NMT2: variants seen among roughly 807,000 people sequenced by gnomAD.
NMT2 encodes the protein N-myristoyltransferase 2.
Under a neutral mutation model 65.4 loss-of-function variants are expected in NMT2, and 35 were observed. The ratio of observed to expected loss-of-function variants is 0.54; its 90% CI spans 0.41 to 0.71. The LOEUF is 0.71. Ranked by LOEUF, NMT2 falls within the 30% of genes least tolerant of loss-of-function variation. The pLI is 0.00. For synonymous variants in NMT2, 226 were observed against 231.8 expected, an observed-to-expected ratio of 0.98 and a Z score of 0.23; for missense variants, 489 against 611.3, an observed-to-expected ratio of 0.80 and a Z score of 2.11.
At chr10:15,137,371 C>CA (rs1221187478) in intron 2 of NMT2, among the ~76,000 whole-genome samples, 2 of 152,004 alleles carry the variant, frequency 1.3e-5, no homozygotes, top group African/African-American at 4.8e-5. Context: ...TGTTTAACAT[C>CA]AAAATCATAA....
At chr10:15,147,828 G>A (rs189526276) in intron 1 of NMT2, among the ~76,000 whole-genome samples, 146 of 152,240 alleles carry the variant, frequency 9.6e-4, no homozygotes, top group African/African-American at 3.4e-3. Context: ...CATAATGTCC[G>A]TGAAGGAAAC....
chr10:15,145,513 G>A (rs1310764278), intron 1 of NMT2, among the ~76,000 whole-genome samples: 1 of 152,132 alleles, frequency 6.6e-6, no homozygotes, highest in Non-Finnish European at 1.5e-5. Flanking sequence ...CCAAGTATCT[G>A]GGATTACAGG....
intron 6 of NMT2, 84 bp from the exon 7 acceptor site, chr10:15,130,396 C>T (rs1564570377): frequency 9.8e-7 from 1 of 1,023,174 alleles, no homozygotes. Flanking sequence ...TAAGATGATA[C>T]CCAGGAAATA....
At chr10:15,112,028 C>T (rs993920100) in intron 10 of NMT2, among the ~76,000 whole-genome samples, 6 of 149,816 alleles carry the variant, frequency 4.0e-5, no homozygotes, top group Non-Finnish European at 8.9e-5. Context: ...AGACTGGCTA[C>T]AATTAAATTT....
chr10:15,143,493 A>C lies in NMT2; in HGVS notation c.111-1936T>G, dbSNP rs567161876. On this transcript the variant is annotated intron_variant, in intron 1 of 11. Coordinates refer to ENST00000378165, the MANE Select transcript of NMT2 (RefSeq NM_004808.3). ...GAGAGATACAGAATAAAAGGCAGTG[A>C]CTGGGAAGGACGCTTTGAAGTAGAT... Among the ~76,000 whole-genome samples the C allele has an allele frequency of 7.2e-5, 11 of 152,374 alleles. No homozygotes were observed. In the East Asian group the frequency reaches 2.1e-3, roughly 29 times the overall value.
Position 15,131,832 on chromosome 10 carries a change from G to A in NMT2, c.719+985C>T, listed in dbSNP as rs113331153. ...AAACTAAAAGTGCAATGTATCCTAT[G>A]GAGAGAAAGCTTTATCTCTCCTAAA... On this transcript the variant is annotated intron_variant, in intron 6 of 11. Coordinates refer to ENST00000378165, the MANE Select transcript of NMT2 (RefSeq NM_004808.3). Among the ~76,000 whole-genome samples, 1,011 of 152,180 alleles carry A rather than the reference G, an allele frequency of 6.6e-3. 9 individuals carry two copies. Among genetic ancestry groups the A allele is most frequent in the African/African-American group, 0.023 (964 of 41,524 alleles).
At chr10:15,124,849 T>G (rs1208360514) in intron 8 of NMT2, among the ~76,000 whole-genome samples, 1 of 152,226 alleles carries the variant, frequency 6.6e-6, no homozygotes, top group African/African-American at 2.4e-5. Context: ...CTCTTTATTT[T>G]CCTTTCCTTT....
At chr10:15,145,605 C>T (rs1846935519) in intron 1 of NMT2, among the ~76,000 whole-genome samples, 1 of 152,180 alleles carries the variant, frequency 6.6e-6, no homozygotes, top group Admixed American at 6.5e-5. Context: ...GTCTCAAACT[C>T]CTGACCTCAA....
intron 8 of NMT2, among the ~76,000 whole-genome samples, chr10:15,127,160 G>A (rs953364204): frequency 2.2e-4 from 34 of 151,942 alleles, no homozygotes; most frequent in African/African-American, 3.9e-4. Context: ...GTTTGAACCC[G>A]GGAGGCGGAG....
chr10:15,164,169 C>T (rs1454730301), intron 1 of NMT2, among the ~76,000 whole-genome samples: 1 of 113,262 alleles, frequency 8.8e-6, no homozygotes, highest in Non-Finnish European at 1.6e-5. Flanking sequence ...GGGGACAGAG[C>T]GAGAATTGGT....
chr10:15,160,812 G>C (rs1480796719), intron 1 of NMT2, among the ~76,000 whole-genome samples: 2 of 151,880 alleles, frequency 1.3e-5, no homozygotes, highest in Non-Finnish European at 2.9e-5. Flanking sequence ...CCCAGCATGT[G>C]AAAGGACATG....
chr10:15,113,003 C>T lies in NMT2; in HGVS notation c.1171-40G>A, dbSNP rs74123290. ...GCTGTCAGACAGAGATCTCCTTGAA[C>T]CAACTGCATACGTGCATTTCCACTA... On this transcript the variant is annotated intron_variant, in intron 9 of 11. Coordinates refer to ENST00000378165, the MANE Select transcript of NMT2 (RefSeq NM_004808.3). 7,047 of 1,578,618 alleles carry T rather than the reference C, an allele frequency of 4.5e-3. 249 individuals are homozygous for T. In the African/African-American group the frequency reaches 0.08, roughly 18 times the overall value.
intron 9 of NMT2, among the ~76,000 whole-genome samples, chr10:15,115,926 A>T (rs1402742418): frequency 1.3e-5 from 2 of 152,202 alleles, no homozygotes; most frequent in African/African-American, 4.8e-5. Context: ...AGAGGCCCAG[A>T]AGAAATCAAG....
chr10:15,132,281 T>A (rs1446044154), intron 6 of NMT2, among the ~76,000 whole-genome samples: 1 of 152,184 alleles, frequency 6.6e-6, no homozygotes, highest in African/African-American at 2.4e-5. Flanking sequence ...AGTCCGTTTT[T>A]TTTTCTTTAC....
At chr10:15,122,584 TA>T (rs1384334603) in intron 8 of NMT2, among the ~76,000 whole-genome samples, 1 of 152,186 alleles carries the variant, frequency 6.6e-6, no homozygotes, top group African/African-American at 2.4e-5. Flanking sequence ...CACGCCCAGC[TA>T]ATTTTTTGTA....
chr10:15,129,105 T>G (rs1846190152), intron 7 of NMT2, among the ~76,000 whole-genome samples: 1 of 152,186 alleles, frequency 6.6e-6, no homozygotes, highest in Non-Finnish European at 1.5e-5. Flanking sequence ...TTTAAAAACA[T>G]GAAAATAAAT....
At position 15,130,289 on chromosome 10, in the gene NMT2, T is replaced by G. The variant is rs1264738293; in HGVS notation, c.743A>C (p.Asn248Thr). 2 of 1,595,438 alleles carry G rather than the reference T, an allele frequency of 1.3e-6. No homozygotes were observed. Among genetic ancestry groups the G allele is most frequent in the African/African-American group, 2.7e-5 (2 of 74,334 alleles). ...CAACTTCTTATGAACACAAAGAAAG[T>G]TGATTTCTACCATCTTCTTCACACT... ...YDSVKKMVEI[N>T]FLCVHKKLRS... The change falls in exon 7 of 12, where the codon AAC (asparagine) becomes ACC (threonine). Residue 248 changes from asparagine to threonine, a missense_variant. Physicochemically the swap from Asn to Thr is moderately conservative, Grantham distance 65. Transcript: ENST00000378165.
At chr10:15,120,435 G>A (rs1845890601) in intron 8 of NMT2, among the ~76,000 whole-genome samples, 1 of 152,186 alleles carries the variant, frequency 6.6e-6, no homozygotes, top group Non-Finnish European at 1.5e-5. Flanking sequence ...TCAAGCCTGG[G>A]AGACAGGGAG....
intron 1 of NMT2, among the ~76,000 whole-genome samples, chr10:15,152,951 T>G (rs1832853723): frequency 6.6e-6 from 1 of 152,228 alleles, no homozygotes; most frequent in African/African-American, 2.4e-5. Context: ...TAAAACTACC[T>G]TACTGTCTAC....
Sources: allele counts gnomAD v4.1 joint callset (sites outside exome capture counted in the v4.1 genomes callset), GRCh38; gene constraint gnomAD v4.1.1; transcripts MANE v1.5; gene names NCBI Gene and HGNC (gene_info 2026-07-23, HGNC 2026-07-21).